RBFOX1: variants seen among roughly 807,000 people sequenced by gnomAD.
RBFOX1 encodes the protein RNA binding fox-1 homolog 1, also known as RNA binding protein fox-1 homolog 1.
RBFOX1 carries 8 observed loss-of-function variants against 57.7 expected under a neutral mutation model. That is an observed-to-expected ratio of 0.14 (90% CI 0.08 to 0.25). The LOEUF is 0.25. RBFOX1 is among the 10% of genes least tolerant of loss of function. RBFOX1 has a pLI of 1.00. For missense variants in RBFOX1, 611 were observed against 548.5 expected (o/e 1.11, Z -1.14); for synonymous variants, 326 against 222.4 (o/e 1.47, Z -4.15).
intron 4 of RBFOX1, among the ~76,000 whole-genome samples, chr16:7,276,429 A>G (rs2095441589): frequency 6.6e-6 from 1 of 152,220 alleles, no homozygotes; most frequent in African/African-American, 2.4e-5. Context: ...GAATGACAAA[A>G]GACTCTGTGG....
chr16:5,989,859 CACACACACACACACACACACA>C (rs779657967), intron 4 of RBFOX1, among the ~76,000 whole-genome samples: 16,462 of 140,948 alleles, frequency 0.12, 1,367 homozygotes, highest in East Asian at 0.46. Context: ...CACACACACA[CACACACACACACACACACACA>C]CCACCCCTGT....
chr16:6,476,069 C>T (rs967824399), intron 2 of RBFOX1, among the ~76,000 whole-genome samples: 1 of 151,930 alleles, frequency 6.6e-6, no homozygotes, highest in South Asian at 2.1e-4. Context: ...ACAGGCAGTT[C>T]CCAGGTGAAA....
intron 1 of RBFOX1, among the ~76,000 whole-genome samples, chr16:6,058,326 C>T (rs2095639974): frequency 6.6e-6 from 1 of 151,448 alleles, no homozygotes; most frequent in Non-Finnish European, 1.5e-5. Context: ...CCCTCCTCTC[C>T]TTCCTCCCTC....
intron 3 of RBFOX1, among the ~76,000 whole-genome samples, chr16:6,735,654 G>C (rs1269843887): frequency 6.6e-6 from 1 of 152,094 alleles, no homozygotes; most frequent in Non-Finnish European, 1.5e-5. Flanking sequence ...AAAATGTTTG[G>C]GTAACAATGC....
chr16:7,615,332 CAAAATAATAAT>C (rs112788246), intron 10 of RBFOX1, among the ~76,000 whole-genome samples: 25,795 of 151,562 alleles, frequency 0.17, 2,411 homozygotes, highest in Middle Eastern at 0.2. Flanking sequence ...GACTCCATCT[CAAAATAATAAT>C]AATAATAATA....
In RBFOX1 at chr16:6,121,067, A is replaced by C. The variant is rs146972798; in HGVS notation, c.-127+101075A>C. Among the ~76,000 whole-genome samples, 119 of 152,330 alleles carry C rather than the reference A, an allele frequency of 7.8e-4. 1 individual carries two copies. The East Asian group carries it at 0.022, about 28-fold the overall frequency. Reference sequence around the variant, plus strand: ...TTATTCATGTGTGTCCTAATATTACAATCAACCATATCTTGATAACAAATC... The same window carrying C: ...TTATTCATGTGTGTCCTAATATTACCATCAACCATATCTTGATAACAAATC... On this transcript the variant is annotated intron_variant, in intron 1 of 15. Transcript: ENST00000550418.
intron 2 of RBFOX1, among the ~76,000 whole-genome samples, chr16:6,497,386 A>C (rs551156630): frequency 5.9e-5 from 9 of 152,040 alleles, no homozygotes. Context: ...AAAGTTCTTC[A>C]TTTCTCAGCT....
At chr16:7,525,750 A>T (rs1186721391) in intron 5 of RBFOX1, among the ~76,000 whole-genome samples, 2 of 152,176 alleles carry the variant, frequency 1.3e-5, no homozygotes, top group Non-Finnish European at 2.9e-5. Flanking sequence ...AGATCATGCT[A>T]GGCCCTCTTT....
intron 3 of RBFOX1, among the ~76,000 whole-genome samples, chr16:7,023,630 G>A (rs148947237): frequency 4.1e-4 from 56 of 136,954 alleles, no homozygotes; most frequent in African/African-American, 1.5e-3. Flanking sequence ...TATAATTTCA[G>A]CACTGGGAAG....
chr16:7,032,325 G>A (rs1474965795), intron 3 of RBFOX1, among the ~76,000 whole-genome samples: 1 of 151,978 alleles, frequency 6.6e-6, no homozygotes, highest in Admixed American at 6.6e-5. Flanking sequence ...GGAGCCTGTA[G>A]TCCTAGCTAC....
At position 6,431,896 on chromosome 16, in the gene RBFOX1, GCTTTCTTTCTTTCTTTCTTTCTTT is replaced by G. The variant is rs869041704; in HGVS notation, c.-64+114884_-64+114907del. Among the ~76,000 whole-genome samples the G allele has an allele frequency of 7.8e-4, 100 of 128,194 alleles. 1 individual carries two copies. The highest frequency in any genetic ancestry group is 2.2e-3 in the South Asian group (8 of 3,564). 84.1% of individuals were successfully genotyped at this position (128,194 alleles called of 152,430 possible). A position where few individuals can be genotyped will look rare whatever the true frequency, so the allele number is the denominator to read the frequency against. The stretch of plus-strand genomic sequence containing the variant: ...TGTCCAGAAATATGCTTGCTTGCTT[GCTTTCTTTCTTTCTTTCTTTCTTT>G]CTTTCTTTCTTTCTTTCTTTCTTTC... On this transcript the variant is annotated intron_variant, in intron 2 of 15. Coordinates refer to ENST00000550418, the MANE Select transcript of RBFOX1 (RefSeq NM_018723.4).
intron 5 of RBFOX1, among the ~76,000 whole-genome samples, chr16:7,573,624 A>G (rs1170905467): frequency 6.6e-6 from 1 of 152,076 alleles, no homozygotes; most frequent in Non-Finnish European, 1.5e-5. Context: ...ACTTGAGGTT[A>G]GGAGTTTGAG....
chr16:6,626,986 G>A (rs180863512), intron 2 of RBFOX1, among the ~76,000 whole-genome samples: 38 of 152,246 alleles, frequency 2.5e-4, no homozygotes, highest in African/African-American at 7.2e-4. Context: ...GTTTATAGAC[G>A]AAGAAACTGA....
chr16:6,819,037 T>C (rs9929176), intron 3 of RBFOX1, among the ~76,000 whole-genome samples: 106,394 of 152,108 alleles, frequency 0.7, 37,310 homozygotes, highest in East Asian at 0.87. Flanking sequence ...AGATGGACTA[T>C]CAACGGCATT....
chr16:7,434,337 T>C (rs1428913696), intron 4 of RBFOX1, among the ~76,000 whole-genome samples: 2 of 151,868 alleles, frequency 1.3e-5, no homozygotes, highest in East Asian at 3.9e-4. Context: ...CTGGGCACAG[T>C]GGCGGGCGCC....
intron 13 of RBFOX1, among the ~76,000 whole-genome samples, chr16:7,665,669 G>C (rs566093999): frequency 1.3e-5 from 2 of 152,268 alleles, no homozygotes; most frequent in African/African-American, 4.8e-5. Context: ...CCGACATTAT[G>C]ATATGAGCAT....
Position 7,080,040 on chromosome 16 carries a change from A to ATG in RBFOX1, c.27+27944_27+27945dup, listed in dbSNP as rs1193828122. Among the ~76,000 whole-genome samples the ATG allele has an allele frequency of 1.5e-3, 113 of 73,942 alleles. 2 individuals carry two copies. In the South Asian group the frequency reaches 0.031, roughly 20 times the overall value. 48.5% of individuals were successfully genotyped at this position (73,942 alleles called of 152,430 possible). A position where few individuals can be genotyped will look rare whatever the true frequency, so the allele number is the denominator to read the frequency against. On this transcript the variant is annotated intron_variant, in intron 4 of 15. Transcript: ENST00000550418. ...TATATATACGTATATATGTATATAG[A>ATG]TGTATATATATATACATATTATATA...
intron 1 of RBFOX1, among the ~76,000 whole-genome samples, chr16:5,371,705 A>G (rs1020786416): frequency 2.0e-5 from 3 of 152,210 alleles, no homozygotes; most frequent in African/African-American, 7.2e-5. Context: ...AGGCTTGGTA[A>G]TAAGCCCTGC....
chr16:7,254,171 G>C (rs1434357070), intron 4 of RBFOX1, among the ~76,000 whole-genome samples: 1 of 152,112 alleles, frequency 6.6e-6, no homozygotes, highest in East Asian at 1.9e-4. Flanking sequence ...AATGAGAAAA[G>C]AAATGAAATA....
Sources: allele counts gnomAD v4.1 joint callset (sites outside exome capture counted in the v4.1 genomes callset), GRCh38; gene constraint gnomAD v4.1.1; transcripts MANE v1.5; gene names NCBI Gene and HGNC (gene_info 2026-07-23, HGNC 2026-07-21).